RELN: variants seen among roughly 807,000 people sequenced by gnomAD.
RELN encodes reelin.
RELN carries 108 observed loss-of-function variants against 427.6 expected under a neutral mutation model. The ratio of observed to expected loss-of-function variants is 0.25; its 90% CI spans 0.22 to 0.30. The LOEUF is 0.30. RELN is among the 10% of genes least tolerant of loss of function. The probability of loss-of-function intolerance (pLI) is 1.00; values close to 1 mark genes in which losing one functional copy is unlikely to be tolerated. For synonymous variants in RELN, 1,524 were observed against 1,513.4 expected, an observed-to-expected ratio of 1.01 and a Z score of -0.16; for missense variants, 3,715 against 4,302.8, an observed-to-expected ratio of 0.86 and a Z score of 3.82.
Position 103,557,097 on chromosome 7 carries a change from G to A in RELN, c.5677C>T (p.His1893Tyr), listed in dbSNP as rs1468373493. The change falls in exon 38 of 65, where the codon CAC becomes TAC. Residue 1893 changes from histidine (H) to tyrosine (Y), a missense_variant. Physicochemically the swap from His to Tyr is moderately conservative, Grantham distance 83. This residue lies in a region of RELN where 2,208 missense variants were observed against 2,361.7 expected (regional missense o/e 0.93). Transcript: ENST00000428762. ...GGAAAGTAAAATTCATCCATCAGGTGCCAAGTGATTCCTCCACTGATGGAG... is the reference window on the plus strand; with the variant it reads ...GGAAAGTAAAATTCATCCATCAGGTACCAAGTGATTCCTCCACTGATGGAG... ...QFSISGGITW[H>Y]LMDEFYFPQT... The A allele has an allele frequency of 1.9e-6, 3 of 1,613,538 alleles. No homozygotes were observed.
intron 1 of RELN, among the ~76,000 whole-genome samples, chr7:103,983,035 A>G (rs182473834): frequency 9.8e-5 from 15 of 152,324 alleles, no homozygotes; most frequent in African/African-American, 3.4e-4. Flanking sequence ...TTAAAGGATA[A>G]CCTGCATTTT....
At chr7:103,520,964 T>TTTTTA (rs1829690454) in intron 48 of RELN, among the ~76,000 whole-genome samples, 1 of 101,666 alleles carries the variant, frequency 9.8e-6, no homozygotes, top group Admixed American at 9.8e-5. Flanking sequence ...GTTATTTTTT[T>TTTTTA]TTTTTTTTTT....
rs1284129558 is a variant in RELN at position 103,561,846 on chromosome 7, G to A, written c.5318C>T (p.Ser1773Leu). 6.2e-7 allele frequency: 1 copy of A among 1,613,256 alleles called. No individual in the cohort carries two copies. The change falls in exon 35 of 65, where the codon TCA becomes TTA. Residue 1773 changes from serine (S) to leucine (L), a missense_variant. Physicochemically the swap from Ser to Leu is moderately radical, Grantham distance 145. This residue lies in a region of RELN where 2,208 missense variants were observed against 2,361.7 expected (regional missense o/e 0.93). Transcript: ENST00000428762. ...VLASGCPWMC[S>L]GRGICDAGRC... ...TCCAGCATCACAAATCCCTCGTCCT[G>A]AGCACATCCAAGGGCACCCTGAGGC...
Position 103,604,366 on chromosome 7 carries a change from T to G in RELN, c.3126A>C (p.Ser1042=), listed in dbSNP as rs773562211. ...QCPNMCSGHG[S]CDHGICRCDQ... The stretch of plus-strand genomic sequence containing the variant: ...CATACCTGCATATGCCATGATCGCA[T>G]GAGCCATGCCCACTGCACATGTTGG... Residue 1042 remains serine, a synonymous_variant, in exon 23 of 65, where the codon TCA becomes TCC. Coordinates refer to ENST00000428762, the MANE Select transcript of RELN (RefSeq NM_005045.4). The G allele has an allele frequency of 1.2e-6, 2 of 1,613,742 alleles. No homozygotes were observed. The highest frequency in any genetic ancestry group is 2.7e-5 in the African/African-American group (2 of 74,920).
chr7:103,747,345 A>G (rs901294071), intron 6 of RELN, among the ~76,000 whole-genome samples: 6 of 151,820 alleles, frequency 4.0e-5, no homozygotes, highest in Non-Finnish European at 1.5e-5. Flanking sequence ...GCACACTAAT[A>G]TGGCACATAT....
intron 2 of RELN, among the ~76,000 whole-genome samples, chr7:103,882,815 A>G (rs931355481): frequency 1.3e-5 from 2 of 152,346 alleles, no homozygotes; most frequent in East Asian, 3.9e-4. Context: ...AGCCAAAAAA[A>G]GCCCAGGAGC....
intron 22 of RELN, among the ~76,000 whole-genome samples, chr7:103,605,306 AAAG>A (rs1178959462): frequency 1.3e-5 from 2 of 152,246 alleles, no homozygotes; most frequent in African/African-American, 4.8e-5. Flanking sequence ...ACTATATTAC[AAAG>A]AAGAATATCT....
Position 103,922,413 on chromosome 7 carries a change from C to T in RELN, c.227-5228G>A, listed in dbSNP as rs1795636643. ...AATTTTTGTCACTAAGACTTTACAC[C>T]ATTATCCTCACTCTTAAGTTACACT... is the stretch of plus-strand genomic sequence containing the variant. On this transcript the variant is annotated intron_variant, in intron 1 of 64. Transcript: ENST00000428762. Among the ~76,000 whole-genome samples the T allele has an allele frequency of 3.3e-5, 5 of 151,872 alleles. No homozygotes were observed. In the South Asian group the frequency reaches 8.3e-4, roughly 25 times the overall value.
At chr7:103,586,567 T>C (rs377556115) in intron 28 of RELN, among the ~76,000 whole-genome samples, 2 of 151,814 alleles carry the variant, frequency 1.3e-5, no homozygotes, top group South Asian at 2.1e-4. Flanking sequence ...ATAAAAAGCA[T>C]CCAAATTGAG....
chr7:103,492,651 C>T (rs937554223), intron 57 of RELN, among the ~76,000 whole-genome samples: 2 of 152,110 alleles, frequency 1.3e-5, no homozygotes, highest in African/African-American at 4.8e-5. Flanking sequence ...TCAGGCCATA[C>T]AGTCATGAAT....
chr7:103,652,406 T>C (rs1464764102), intron 14 of RELN, 145 bp downstream of exon 14: 2 of 683,488 alleles, frequency 2.9e-6, no homozygotes, highest in Non-Finnish European at 5.1e-6. Flanking sequence ...GAAGAACTTT[T>C]CATTTGGCAA....
chr7:103,905,143 G>C (rs1429426759), intron 2 of RELN, among the ~76,000 whole-genome samples: 5 of 151,928 alleles, frequency 3.3e-5, no homozygotes, highest in Non-Finnish European at 7.4e-5. Context: ...ACCACACCTG[G>C]CTAATTTTTA....
rs753140684 is a variant in RELN at position 103,917,136 on chromosome 7, T to C, written c.276A>G (p.Leu92=). ...TFFDGLLVTG[L]YTSTSVQASQ... Reference sequence around the variant, plus strand: ...ATGCCTGAACACTTGTAGATGTGTATAGTCCTGTCACCAGCAAGCCGTCAA... The same window carrying C: ...ATGCCTGAACACTTGTAGATGTGTACAGTCCTGTCACCAGCAAGCCGTCAA... The change falls in exon 2 of 65, where the codon CTA becomes CTG. Residue 92 remains leucine, a synonymous_variant. Transcript: ENST00000428762. The C allele has an allele frequency of 3.1e-6, 5 of 1,613,426 alleles. No homozygotes were observed. Among genetic ancestry groups the C allele is most frequent in the Non-Finnish European group, 3.4e-6 (4 of 1,179,746 alleles).
rs576481977 is a variant in RELN, at chr7:103,740,271, G to T, written c.656+9155C>A. On this transcript the variant is annotated intron_variant, in intron 6 of 64. Transcript: ENST00000428762. ...AAAGTTTTATTTCTCTGATACTCAA[G>T]TTTCTGGACAGAATTCATAACTGCT... Among the ~76,000 whole-genome samples the T allele has an allele frequency of 2.8e-4, 42 of 152,316 alleles. 1 individual carries two copies. The South Asian group carries it at 8.5e-3, about 31-fold the overall frequency.
At chr7:103,695,816 C>G (rs1014179759) in intron 10 of RELN, among the ~76,000 whole-genome samples, 4 of 152,092 alleles carry the variant, frequency 2.6e-5, no homozygotes, top group African/African-American at 9.7e-5. Context: ...ATACGCTATT[C>G]TGACGAATGT....
intron 45 of RELN, among the ~76,000 whole-genome samples, chr7:103,537,680 G>A (rs1830084174): frequency 6.6e-6 from 1 of 152,170 alleles, no homozygotes; most frequent in South Asian, 2.1e-4. Flanking sequence ...AAGGGAGTAA[G>A]AGTCTAGACT....
At position 103,866,116 on chromosome 7, in the gene RELN, A is replaced by G. The variant is rs139552424; in HGVS notation, c.338-32444T>C. Among the ~76,000 whole-genome samples, 75 of 152,270 alleles carry G rather than the reference A, an allele frequency of 4.9e-4. No homozygotes were observed. In the East Asian group the frequency reaches 0.011, roughly 22 times the overall value. On this transcript the variant is annotated intron_variant, in intron 2 of 64. Transcript: ENST00000428762. ...TAAAATGATTTGCAAGCTGACAGCC[A>G]TAACAAAAGCAAGAATTATTATTTT...
At chr7:103,689,891 C>T (rs1833838515) in intron 10 of RELN, among the ~76,000 whole-genome samples, 1 of 152,070 alleles carries the variant, frequency 6.6e-6, no homozygotes, top group Non-Finnish European at 1.5e-5. Flanking sequence ...TAAGAATATT[C>T]TCAGATTGCA....
chr7:103,533,231 A>G (rs1829978835), intron 46 of RELN, among the ~76,000 whole-genome samples: 1 of 152,234 alleles, frequency 6.6e-6, no homozygotes. Flanking sequence ...TACTGAGCAC[A>G]TGTCTTTAAG....
Sources: allele counts gnomAD v4.1 joint callset (sites outside exome capture counted in the v4.1 genomes callset), GRCh38; gene constraint gnomAD v4.1.1; regional missense constraint gnomAD v4.1.1; transcripts MANE v1.5; gene names NCBI Gene and HGNC (gene_info 2026-07-23, HGNC 2026-07-21).